Variants in HTR3D observed in about 807,000 individuals in gnomAD.
HTR3D encodes 5-hydroxytryptamine receptor 3D, also known as 5-hydroxytryptamine (serotonin) receptor 3 family member D.
In HTR3D, 47 loss-of-function variants were observed where a neutral mutation model predicts 45.8. The ratio of observed to expected loss-of-function variants is 1.03; its 90% confidence interval spans 0.81 to 1.31. HTR3D has a LOEUF of 1.31. HTR3D is among the 50% of genes most tolerant of loss of function. The pLI, the probability that HTR3D is intolerant of heterozygous loss-of-function variation, is 0.00. For synonymous variants in HTR3D, 203 were observed against 199.8 expected (o/e 1.02, Z -0.13); for missense variants, 448 against 506.9 (o/e 0.88, Z 1.12).
chr3:184,036,652 G>T lies in HTR3D; in HGVS notation c.368-96G>T, dbSNP rs960188722. The T allele has an allele frequency of 8.9e-6, 14 of 1,575,552 alleles. No individual in the cohort carries two copies. The African/African-American group carries it at 1.9e-4, about 21-fold the overall frequency. ...GAATCTTGCTGAAAAGGGCCTGGAA[G>T]CTAAGCAGTGAGGGATCCAACAGTC... On this transcript the variant is annotated intron_variant, in intron 4 of 7. Transcript: ENST00000428798.
At chr3:184,036,291 G>A (rs914570751) in intron 3 of HTR3D, 84 bp from the exon 4 acceptor site, 3 of 1,550,730 alleles carry the variant, frequency 1.9e-6, no homozygotes, top group Non-Finnish European at 2.6e-6. Flanking sequence ...TCGAGAATGG[G>A]ATGACCTGAC....
chr3:184,037,909 A>G, intron 5 of HTR3D, 112 bp from the exon 6 acceptor site: 2 of 1,344,854 alleles, frequency 1.5e-6, no homozygotes, highest in East Asian at 2.4e-5. Context: ...ACGGGAGGTA[A>G]TATTTCCTTA....
At position 184,036,109 on chromosome 3, in the gene HTR3D, C is replaced by G; in HGVS notation, c.197+9C>G. The stretch of plus-strand genomic sequence containing the variant: ...GTCTTCATCGAGGAGTCGTGAGTCT[C>G]AGGCCAAAAAAGCAGAATGGAAACC... On this transcript the variant is annotated intron_variant, in intron 3 of 7. Coordinates refer to ENST00000428798, the MANE Select transcript of HTR3D (RefSeq NM_001145143.1). The G allele has an allele frequency of 6.5e-7, 1 of 1,546,352 alleles. No individual in the cohort carries two copies. Among genetic ancestry groups the G allele is most frequent in the Non-Finnish European group, 8.7e-7 (1 of 1,145,416 alleles).
rs769807481 is a variant in HTR3D, at chr3:184,038,891, C to T, written c.1131C>T (p.His377=). 5.8e-5 allele frequency: 93 copies of T among 1,614,106 alleles called. No homozygotes were observed. The highest frequency in any genetic ancestry group is 3.3e-4 in the South Asian group (30 of 91,092). Reference sequence around the variant, plus strand: ...TGGAGCTGTGGGTGCAGTTCAGCCACGCGATGGACGCCCTGCTCTTCCGCC... The same window carrying T: ...TGGAGCTGTGGGTGCAGTTCAGCCATGCGATGGACGCCCTGCTCTTCCGCC... The part of the protein sequence containing the change: ...HSVELWVQFS[H]AMDALLFRLY... Residue 377 remains histidine, a synonymous_variant, in exon 8 of 8, where the codon CAC becomes CAT. Transcript: ENST00000428798. The surrounding 1 kb of genome is among the most constrained non-coding windows in gnomAD (Gnocchi z 4.5).
At chr3:184,032,151 G>A (rs370930365) in intron 1 of HTR3D, among the ~76,000 whole-genome samples, 18 of 152,156 alleles carry the variant, frequency 1.2e-4, no homozygotes, top group Admixed American at 3.9e-4. Flanking sequence ...CTGCCACCGT[G>A]CCTGGCTAAT....
rs1256305015 is a variant in HTR3D at position 184,036,357 on chromosome 3, TCTC to T, written c.198-16_198-14del. 1.2e-6 allele frequency: 2 copies of T among 1,613,040 alleles called. No homozygotes were observed. The highest frequency in any genetic ancestry group is 1.7e-6 in the Non-Finnish European group (2 of 1,179,492). On this transcript the variant is annotated splice_polypyrimidine_tract_variant and intron_variant, in intron 3 of 7. Transcript: ENST00000428798. Reference sequence around the variant, plus strand: ...CCCACAGCACCTACCTCCCTGTCCTTCTCCCACACAGCATCAGTGTGGATCAGA... The same window carrying T: ...CCCACAGCACCTACCTCCCTGTCCTTCCACACAGCATCAGTGTGGATCAGA...
At chr3:184,037,008 G>A (rs574293060) in intron 5 of HTR3D, 112 bp downstream of exon 5, 28 of 982,958 alleles carry the variant, frequency 2.8e-5, no homozygotes, top group African/African-American at 2.7e-4. Context: ...GATTACGGGC[G>A]TGAACCACGA....
rs1292057094 is a variant in HTR3D at position 184,036,916 on chromosome 3, C to T, written c.516+20C>T. Reference sequence around the variant, plus strand: ...TTCCATGTGAGCTCAGGGGCCAAGACAAGGTTTCACCATGTTGGCCAGGCT... The same window carrying T: ...TTCCATGTGAGCTCAGGGGCCAAGATAAGGTTTCACCATGTTGGCCAGGCT... On this transcript the variant is annotated intron_variant, in intron 5 of 7. Transcript: ENST00000428798. The T allele has an allele frequency of 3.2e-6, 5 of 1,549,250 alleles. No individual in the cohort carries two copies. The East Asian group carries it at 9.8e-5, about 30-fold the overall frequency.
At chr3:184,036,965 T>C (rs1439688957) in intron 5 of HTR3D, 69 bp downstream of exon 5, 1 of 1,467,872 alleles carries the variant, frequency 6.8e-7, no homozygotes, top group Non-Finnish European at 9.2e-7. Flanking sequence ...TGGCTTCAGG[T>C]GATCCGCCCG....
chr3:184,036,755 A>T lies in HTR3D; in HGVS notation c.375A>T (p.Ala125=). The T allele has an allele frequency of 6.4e-7, 1 of 1,552,214 alleles. No individual in the cohort carries two copies. ...SALSPTQVTR[A]WRRMSRSFQI... is the part of the protein sequence containing the mutation. ...TGCAGTGGAGAACACGAGCCCGGGC[A>T]TGGAGAAGGATGTCCAGGAGCTTTC... The change falls in exon 5 of 8, where the codon GCA becomes GCT. Residue 125 remains alanine (A), a synonymous_variant. Coordinates refer to ENST00000428798, the MANE Select transcript of HTR3D (RefSeq NM_001145143.1).
rs558863249 is a variant in HTR3D at position 184,036,003 on chromosome 3, C to T, written c.112-12C>T. ...CCACCATGCCCGGCCTTGGCACAAT[C>T]AATTTGTGCAGTGGAACCCAGATGA... On this transcript the variant is annotated splice_polypyrimidine_tract_variant and intron_variant, in intron 2 of 7. Coordinates refer to ENST00000428798, the MANE Select transcript of HTR3D (RefSeq NM_001145143.1). 1.2e-5 allele frequency: 18 copies of T among 1,550,836 alleles called. No homozygotes were observed. The highest frequency in any genetic ancestry group is 1.6e-5 in the Non-Finnish European group (18 of 1,146,772).
At chr3:184,037,364 C>A (rs904652320) in intron 5 of HTR3D, among the ~76,000 whole-genome samples, 8 of 152,064 alleles carry the variant, frequency 5.3e-5, no homozygotes, top group Non-Finnish European at 7.4e-5. Context: ...CACTGATAAA[C>A]CTTCAGTACT....
Position 184,036,541 on chromosome 3 carries a change from G to T in HTR3D, c.364G>T (p.Val122Leu). The T allele has an allele frequency of 6.2e-7, 1 of 1,614,164 alleles. No homozygotes were observed. Among genetic ancestry groups the T allele is most frequent in the South Asian group, 1.1e-5 (1 of 91,070 alleles). The change falls in exon 4 of 8, where the codon GTA (valine) becomes TTA (leucine). Residue 122 changes from valine to leucine, a missense_variant. Coordinates refer to ENST00000428798, the MANE Select transcript of HTR3D (RefSeq NM_001145143.1). ...RSPSALSPTQ[V>L]TRAWRRMSRS... Reference sequence around the variant, plus strand: ...TCCTTCAGCCCTTTCACCTACACAGGTAAGTGGGGCTCACTAAAGTAGACT... The same window carrying T: ...TCCTTCAGCCCTTTCACCTACACAGTTAAGTGGGGCTCACTAAAGTAGACT...
Position 184,038,823 on chromosome 3 carries a change from A to G in HTR3D, c.1063A>G (p.Thr355Ala), listed in dbSNP as rs745852958. ...AGAGCTGACAGGGGGCTCAGAATGG[A>G]CAAGGGCCCAGCGGGAACACGAGGC... is the stretch of plus-strand genomic sequence containing the variant. ...EAELTGGSEWTRAQREHEAQK... is the reference protein window; with the variant it reads ...EAELTGGSEWARAQREHEAQK... Residue 355 changes from threonine (T) to alanine (A), a missense_variant, in exon 8 of 8, where the codon ACA becomes GCA. Coordinates refer to ENST00000428798, the MANE Select transcript of HTR3D (RefSeq NM_001145143.1). The surrounding 1 kb of genome is among the most constrained non-coding windows in gnomAD (Gnocchi z 4.5). The G allele has an allele frequency of 1.9e-6, 3 of 1,613,966 alleles. No homozygotes were observed. The African/African-American group carries it at 4.0e-5, about 22-fold the overall frequency.
chr3:184,035,129 G>C (rs1722849856), intron 1 of HTR3D, 49 bp from the exon 2 acceptor site: 1 of 1,551,436 alleles, frequency 6.4e-7, no homozygotes, highest in Non-Finnish European at 8.7e-7. Flanking sequence ...TGGTGGCATG[G>C]GACCTGCCTT....
chr3:184,036,032 C>G lies in HTR3D; in HGVS notation c.129C>G (p.Cys43Trp). 1.3e-6 allele frequency: 2 copies of G among 1,551,520 alleles called. No individual in the cohort carries two copies. The highest frequency in any genetic ancestry group is 1.7e-6 in the Non-Finnish European group (2 of 1,146,946). The change falls in exon 3 of 8, where the codon TGC becomes TGG. Residue 43 changes from cysteine to tryptophan, a missense_variant. Transcript: ENST00000428798. Reference sequence around the variant, plus strand: ...TTGTGCAGTGGAACCCAGATGAATGCGGAGGCATCAAGAAGTCCGGCATGG... The same window carrying G: ...TTGTGCAGTGGAACCCAGATGAATGGGGAGGCATCAAGAAGTCCGGCATGG... The part of the protein sequence containing the change: ...LWLNMWNPDE[C>W]GGIKKSGMAT...
At chr3:184,035,336 C>T in intron 2 of HTR3D, 114 bp downstream of exon 2, 1 of 935,394 alleles carries the variant, frequency 1.1e-6, no homozygotes, top group South Asian at 1.5e-5. Context: ...ATAAATTAGA[C>T]AAGTTCAAAT....
intron 2 of HTR3D, 157 bp from the exon 3 acceptor site, chr3:184,035,858 A>C (rs139399349): frequency 0.035 from 22,751 of 645,290 alleles, 526 homozygotes; most frequent in Admixed American, 0.044. Flanking sequence ...ACACCCAGCT[A>C]ATTTTTGTAT....
rs1416384722 is a variant in HTR3D, at chr3:184,035,019, A to G, written c.67-159A>G. The G allele has an allele frequency of 1.1e-5, 16 of 1,455,136 alleles. No individual in the cohort carries two copies. The East Asian group carries it at 3.8e-4, about 34-fold the overall frequency. The allele number at this position is 1,455,136 out of a possible 1,614,324, so 90.1% of individuals were successfully genotyped here. On this transcript the variant is annotated intron_variant, in intron 1 of 7. Coordinates refer to ENST00000428798, the MANE Select transcript of HTR3D (RefSeq NM_001145143.1). ...ACTGTGTTTTTCATTTACATTTTCC[A>G]TGTACCTTGAATTGTTTTGATCTAC...
Sources: gnomAD v4.1 joint callset for allele counts (sites outside exome capture counted in the v4.1 genomes callset) on GRCh38, gnomAD v4.1.1 for gene constraint, Gnocchi (gnomAD v3.1) non-coding constraint, MANE v1.5 for transcripts, NCBI Gene and HGNC (gene_info 2026-07-23, HGNC 2026-07-21) for gene names.